Variants in KCNAB2 observed in about 807,000 individuals in gnomAD.
KCNAB2 encodes the protein potassium voltage-gated channel subfamily A regulatory beta subunit 2.
In KCNAB2, 29 loss-of-function variants were observed where a neutral mutation model predicts 63.6. The ratio of observed to expected loss-of-function variants is 0.46; its 90% CI spans 0.34 to 0.62. The LOEUF is 0.62. Ranked by LOEUF, KCNAB2 falls within the 20% of genes least tolerant of loss-of-function variation. KCNAB2 has a pLI of 0.01. For synonymous variants in KCNAB2, 222 were observed against 224.2 expected, an observed-to-expected ratio of 0.99 and a Z score of 0.09; for missense variants, 359 against 563.9, an observed-to-expected ratio of 0.64 and a Z score of 3.68.
chr1:6,065,141 G>A (rs1215865342), intron 2 of KCNAB2, among the ~76,000 whole-genome samples: 8 of 152,314 alleles, frequency 5.3e-5, no homozygotes, highest in East Asian at 1.9e-4. Flanking sequence ...AGCAGGTGCC[G>A]CTGGGCATGC....
chr1:6,042,566 C>T (rs918655259), upstream of KCNAB2, among the ~76,000 whole-genome samples: 2 of 152,134 alleles, frequency 1.3e-5, no homozygotes, highest in African/African-American at 4.8e-5. Context: ...CTTGGTGCAG[C>T]CTCCAACCCT....
At chr1:6,025,761 G>GGGGGCAGCAGTACCCCTTCCC (rs1315935541) in intron 1 of KCNAB2, among the ~76,000 whole-genome samples, 2 of 152,198 alleles carry the variant, frequency 1.3e-5, no homozygotes, top group African/African-American at 2.4e-5. Context: ...TGTAGCATGG[G>GGGGGCAGCAGTACCCCTTCCC]GGGGCAGCAG....
At chr1:6,044,450 G>T (rs1660755684), upstream of KCNAB2, among the ~76,000 whole-genome samples, 1 of 152,200 alleles carries the variant, frequency 6.6e-6, no homozygotes, top group South Asian at 2.1e-4. Context: ...CAGAGGCTGG[G>T]AAGCATATTC....
At position 6,078,602 on chromosome 1, in the gene KCNAB2, G is replaced by C. The variant is rs1663903971; in HGVS notation, c.301-3593G>C. ...GAAGGGGATGCAGGGGATAGAGCTG[G>C]GGGTCAGGGTGCAGATCTGGTGGAG... On this transcript the variant is annotated intron_variant, in intron 4 of 15. Coordinates refer to ENST00000378083, the MANE Select transcript of KCNAB2 (RefSeq NM_001199862.2). This position sits in a 1 kb window ranked among gnomAD's most constrained non-coding sequence, Gnocchi z 4.2. Among the ~76,000 whole-genome samples the C allele has an allele frequency of 6.6e-6, 1 of 152,158 alleles. No individual in the cohort carries two copies. Among genetic ancestry groups the C allele is most frequent in the African/African-American group, 2.4e-5 (1 of 41,438 alleles).
chr1:6,092,964 G>T (rs1665311808), intron 10 of KCNAB2, among the ~76,000 whole-genome samples: 1 of 152,204 alleles, frequency 6.6e-6, no homozygotes, highest in Non-Finnish European at 1.5e-5. Flanking sequence ...CCTTTAGGAG[G>T]CCCCAGGTTC....
At chr1:6,023,740 G>C (rs919724995) in intron 1 of KCNAB2, among the ~76,000 whole-genome samples, 1 of 152,034 alleles carries the variant, frequency 6.6e-6, no homozygotes, top group Non-Finnish European at 1.5e-5. Flanking sequence ...ACTCTGGGTT[G>C]CCTTATTACT....
At chr1:6,006,692 C>A (rs1452457571) in intron 1 of KCNAB2, among the ~76,000 whole-genome samples, 5 of 82,926 alleles carry the variant, frequency 6.0e-5, no homozygotes, top group Admixed American at 2.3e-4. Context: ...AGCTCAGCTC[C>A]CACATCCCCC....
upstream of KCNAB2, among the ~76,000 whole-genome samples, chr1:6,043,687 A>G (rs1030135910): frequency 4.6e-5 from 7 of 152,124 alleles, no homozygotes; most frequent in African/African-American, 1.7e-4. Context: ...ACCACTAAAC[A>G]TGGCTATTGG....
chr1:6,071,868 TGGGCTCCTCCTGCCGCGTA>T lies in KCNAB2; in HGVS notation c.219-860_219-842del, dbSNP rs1483379128. The stretch of plus-strand genomic sequence containing the variant: ...TGCCGCGAGGGCACCTCCTGCCGCG[TGGGCTCCTCCTGCCGCGTA>T]GGGCTCCTCCTGCCGCGTAGGGCTC... On this transcript the variant is annotated intron_variant, in intron 2 of 15. Transcript: ENST00000378083. The surrounding 1 kb of genome is among the most constrained non-coding windows in gnomAD (Gnocchi z 8.5). 4.3e-3 allele frequency among the ~76,000 whole-genome samples: 630 copies of T among 148,166 alleles called. 5 individuals carry two copies. Among genetic ancestry groups the T allele is most frequent in the African/African-American group, 0.014 (546 of 39,944 alleles).
At chr1:6,079,363 T>C (rs1663997889) in intron 4 of KCNAB2, among the ~76,000 whole-genome samples, 1 of 151,958 alleles carries the variant, frequency 6.6e-6, no homozygotes, top group African/African-American at 2.4e-5. Context: ...CTACTAAAAA[T>C]AGAAAAATCA....
intron 2 of KCNAB2, among the ~76,000 whole-genome samples, chr1:6,056,106 G>A (rs1308736362): frequency 6.6e-6 from 1 of 151,974 alleles, no homozygotes; most frequent in Non-Finnish European, 1.5e-5. Context: ...GTGCAGTGGT[G>A]CAATCTCAGC....
Position 6,075,273 on chromosome 1 carries a change from C to T in KCNAB2, c.300+1503C>T, listed in dbSNP as rs931081915. ...TATGTCCTTGTGGGAAAGATAAAAA[C>T]AAGCAGACAGACTAGACCCATCCAA... On this transcript the variant is annotated intron_variant, in intron 4 of 15. Coordinates refer to ENST00000378083, the MANE Select transcript of KCNAB2 (RefSeq NM_001199862.2). 7.9e-4 allele frequency among the ~76,000 whole-genome samples: 120 copies of T among 152,320 alleles called. 1 individual carries two copies. The highest frequency in any genetic ancestry group is 1.2e-3 in the Non-Finnish European group (84 of 68,026).
intron 1 of KCNAB2, among the ~76,000 whole-genome samples, chr1:6,019,747 A>G (rs964695619): frequency 3.3e-5 from 5 of 152,150 alleles, no homozygotes; most frequent in African/African-American, 9.7e-5. Flanking sequence ...GGCCAAAATT[A>G]TATTCATGGC....
In KCNAB2 at chr1:6,028,304, G is replaced by A. The variant is rs11121065; in HGVS notation, c.-52-12213G>A. Reference sequence around the variant, plus strand: ...AGCAGTTATACCTCTTCCTGTCTCCGCTGGAAGCACAGTCACTGCCATGGC... The same window carrying A: ...AGCAGTTATACCTCTTCCTGTCTCCACTGGAAGCACAGTCACTGCCATGGC... On this transcript the variant is annotated intron_variant, in intron 1 of 16. Transcript: ENST00000341524. The surrounding 1 kb of genome is among the most constrained non-coding windows in gnomAD (Gnocchi z 4.0). Among the ~76,000 whole-genome samples, 19,047 of 152,200 alleles carry A rather than the reference G, an allele frequency of 0.13. 1,612 individuals carry two copies. Among genetic ancestry groups the A allele is most frequent in the East Asian group, 0.28 (1,468 of 5,170 alleles).
chr1:6,009,809 C>A (rs1055723890), intron 1 of KCNAB2, among the ~76,000 whole-genome samples: 9 of 152,176 alleles, frequency 5.9e-5, no homozygotes, highest in African/African-American at 2.2e-4. Context: ...GTGTTTCCCA[C>A]ACTTTAGTCA....
At chr1:6,060,963 G>A (rs2100589670) in intron 2 of KCNAB2, among the ~76,000 whole-genome samples, 1 of 150,772 alleles carries the variant, frequency 6.6e-6, no homozygotes, top group South Asian at 2.1e-4. Context: ...GCCCTCCACA[G>A]GCCTCGTTCT....
chr1:6,081,958 G>A (rs565772045), intron 4 of KCNAB2, among the ~76,000 whole-genome samples: 2 of 152,322 alleles, frequency 1.3e-5, no homozygotes, highest in African/African-American at 2.4e-5. Context: ...ACAGTCCTTG[G>A]CAGTTTCTTC....
intron 1 of KCNAB2, among the ~76,000 whole-genome samples, chr1:6,023,242 A>G (rs569619080): frequency 6.6e-6 from 1 of 152,328 alleles, no homozygotes; most frequent in Non-Finnish European, 1.5e-5. Flanking sequence ...GCTATTGCAA[A>G]TCATGCTACT....
At chr1:5,997,147 C>T (rs1041149562) in intron 1 of KCNAB2, among the ~76,000 whole-genome samples, 2 of 152,308 alleles carry the variant, frequency 1.3e-5, no homozygotes, top group African/African-American at 2.4e-5. Context: ...TCCAGTCGGA[C>T]GAGGCGCCCC....
Sources: gnomAD v4.1 joint callset for allele counts (sites outside exome capture counted in the v4.1 genomes callset) on GRCh38, gnomAD v4.1.1 for gene constraint, Gnocchi (gnomAD v3.1) non-coding constraint, MANE v1.5 for transcripts, NCBI Gene and HGNC (gene_info 2026-07-23, HGNC 2026-07-21) for gene names.